Variants in CDYL2 observed in about 807,000 individuals in gnomAD.
The protein encoded by CDYL2 is chromodomain Y-like protein 2.
Under a neutral mutation model 49.4 loss-of-function variants are expected in CDYL2, and 23 were observed. That is an observed-to-expected ratio of 0.47 (90% CI 0.34 to 0.66). The LOEUF (loss-of-function observed/expected upper bound fraction) is 0.66. CDYL2 is among the 30% of genes least tolerant of loss of function. The pLI, the probability that CDYL2 is intolerant of heterozygous loss-of-function variation, is 0.01. For synonymous variants in CDYL2, 360 were observed against 268.8 expected, an observed-to-expected ratio of 1.34 and a Z score of -3.32; for missense variants, 678 against 656.4, an observed-to-expected ratio of 1.03 and a Z score of -0.36.
intron 1 of CDYL2, among the ~76,000 whole-genome samples, chr16:80,764,193 A>G (rs1053078277): frequency 1.7e-4 from 26 of 152,256 alleles, no homozygotes; most frequent in Admixed American, 1.1e-3. Flanking sequence ...TCATTTTCCT[A>G]TATTTCAGAA....
intron 2 of CDYL2, among the ~76,000 whole-genome samples, chr16:80,656,650 A>G (rs1017324450): frequency 6.6e-6 from 1 of 152,238 alleles, no homozygotes; most frequent in Non-Finnish European, 1.5e-5. Flanking sequence ...AGAAGGCTCC[A>G]TAAACTCACG....
intron 3 of CDYL2, among the ~76,000 whole-genome samples, chr16:80,626,088 G>A (rs143332180): frequency 2.3e-3 from 355 of 151,316 alleles, no homozygotes; most frequent in Admixed American, 4.9e-3. Context: ...TCAGGAGTTC[G>A]AGGCCAGCCT....
chr16:80,761,852 T>C (rs917060318), intron 1 of CDYL2, among the ~76,000 whole-genome samples: 2 of 148,288 alleles, frequency 1.3e-5, no homozygotes, highest in African/African-American at 5.0e-5. Flanking sequence ...AAATAACATG[T>C]GAATGTTCAA....
intron 1 of CDYL2, among the ~76,000 whole-genome samples, chr16:80,782,465 G>C (rs1459630005): frequency 7.1e-6 from 1 of 141,608 alleles, no homozygotes; most frequent in African/African-American, 2.6e-5. Context: ...AAAAGGGAGG[G>C]TATACTTTCA....
chr16:80,659,086 T>TGGACAGAC (rs1908931482), intron 2 of CDYL2, among the ~76,000 whole-genome samples: 1 of 146,456 alleles, frequency 6.8e-6, no homozygotes, highest in Non-Finnish European at 1.5e-5. Flanking sequence ...GATGGATGGA[T>TGGACAGAC]GGATGGATGG....
intron 1 of CDYL2, among the ~76,000 whole-genome samples, chr16:80,775,333 T>A (rs995893272): frequency 6.6e-6 from 1 of 151,852 alleles, no homozygotes; most frequent in Non-Finnish European, 1.5e-5. Context: ...GTAGGTATGA[T>A]ACAAAACCAC....
chr16:80,691,618 A>C (rs908142391), intron 1 of CDYL2, among the ~76,000 whole-genome samples: 5 of 152,212 alleles, frequency 3.3e-5, no homozygotes, highest in Non-Finnish European at 5.9e-5. Flanking sequence ...GCATCATCAC[A>C]CAACATGGTC....
chr16:80,787,590 G>T (rs1035650144), intron 1 of CDYL2, among the ~76,000 whole-genome samples: 6 of 151,756 alleles, frequency 4.0e-5, no homozygotes, highest in Admixed American at 2.0e-4. Context: ...AAATATGTTC[G>T]TTCTCTCTCT....
At chr16:80,775,496 A>G (rs1303207689) in intron 1 of CDYL2, among the ~76,000 whole-genome samples, 3 of 151,958 alleles carry the variant, frequency 2.0e-5, no homozygotes, top group African/African-American at 7.2e-5. Flanking sequence ...ATTGGTAGAA[A>G]AAAATAGCTT....
chr16:80,647,242 A>C (rs1042018319), intron 2 of CDYL2, among the ~76,000 whole-genome samples: 1 of 152,226 alleles, frequency 6.6e-6, no homozygotes, highest in Non-Finnish European at 1.5e-5. Context: ...TTCCATGTTC[A>C]TGGATTTAAG....
chr16:80,632,502 C>T (rs1907609264), intron 3 of CDYL2: 1 of 156,670 alleles, frequency 6.4e-6, no homozygotes, highest in Non-Finnish European at 1.4e-5. Flanking sequence ...GATGCTTGCA[C>T]AATCTTGTGA....
intron 3 of CDYL2, among the ~76,000 whole-genome samples, chr16:80,623,591 C>A (rs1159745063): frequency 6.6e-6 from 1 of 152,216 alleles, no homozygotes; most frequent in East Asian, 1.9e-4. Flanking sequence ...TCTTCATGTT[C>A]ATGGGACCTG....
intron 1 of CDYL2, among the ~76,000 whole-genome samples, chr16:80,774,692 T>C (rs1249065957): frequency 1.3e-5 from 2 of 151,922 alleles, no homozygotes; most frequent in Admixed American, 6.6e-5. Flanking sequence ...CAATTAAAAA[T>C]AAAAAATAAG....
intron 1 of CDYL2, among the ~76,000 whole-genome samples, chr16:80,803,146 T>C (rs1362802381): frequency 2.0e-5 from 3 of 152,212 alleles, no homozygotes; most frequent in African/African-American, 7.2e-5. Context: ...GTTCCTTGTG[T>C]TGTCCACTTG....
intron 1 of CDYL2, among the ~76,000 whole-genome samples, chr16:80,696,978 G>A (rs1269848538): frequency 2.0e-5 from 3 of 151,906 alleles, no homozygotes; most frequent in Admixed American, 6.6e-5. Context: ...ATTACACTCC[G>A]GCCTGAACAA....
intron 1 of CDYL2, among the ~76,000 whole-genome samples, chr16:80,691,268 T>G (rs1424062630): frequency 6.6e-6 from 1 of 152,116 alleles, no homozygotes; most frequent in Admixed American, 6.5e-5. Context: ...TGGTTACAAC[T>G]TGGGGTATGA....
chr16:80,660,115 T>TAA (rs1908981441), intron 2 of CDYL2, among the ~76,000 whole-genome samples: 1 of 152,048 alleles, frequency 6.6e-6, no homozygotes, highest in South Asian at 2.1e-4. Flanking sequence ...AAGGACCACA[T>TAA]AAATGGACAT....
At position 80,696,775 on chromosome 16, in the gene CDYL2, G is replaced by A. The variant is rs146536541; in HGVS notation, c.25-11646C>T. Among the ~76,000 whole-genome samples the A allele has an allele frequency of 2.0e-5, 3 of 151,744 alleles. No homozygotes were observed. The East Asian group carries it at 5.8e-4, about 29-fold the overall frequency. ...TCCAGAACAGGATGGCTTTACTGCT[G>A]AATTCTACCAAACTTTTAAAGAAGG... On this transcript the variant is annotated intron_variant, in intron 1 of 6. Coordinates refer to ENST00000570137, the MANE Select transcript of CDYL2 (RefSeq NM_152342.4).
chr16:80,713,244 C>A (rs965188282), intron 1 of CDYL2, among the ~76,000 whole-genome samples: 1 of 152,096 alleles, frequency 6.6e-6, no homozygotes, highest in Non-Finnish European at 1.5e-5. Flanking sequence ...GATAAATGCA[C>A]GGATAAATAT....
Sources: gnomAD v4.1 joint callset for allele counts (sites outside exome capture counted in the v4.1 genomes callset) on GRCh38, gnomAD v4.1.1 for gene constraint, MANE v1.5 for transcripts, NCBI Gene and HGNC (gene_info 2026-07-23, HGNC 2026-07-21) for gene names.